Variants in L3MBTL4 observed in about 807,000 individuals in gnomAD.
L3MBTL4 encodes the protein L3MBTL histone methyl-lysine binding protein 4, also known as lethal(3)malignant brain tumor-like protein 4.
Under a neutral mutation model 84.5 loss-of-function variants are expected in L3MBTL4, and 70 were observed. The ratio of observed to expected loss-of-function variants is 0.83; its 90% CI spans 0.68 to 1.01. L3MBTL4 has a LOEUF of 1.01. Among genes scored for constraint, L3MBTL4 ranks in the 50% least tolerant of loss-of-function variants. The probability of loss-of-function intolerance (pLI) is 0.00; values close to 1 mark genes in which losing one functional copy is unlikely to be tolerated. For missense variants in L3MBTL4, 715 were observed against 754.8 expected (o/e 0.95, Z 0.62); for synonymous variants, 274 against 259.8 (o/e 1.05, Z -0.52).
intron 7 of L3MBTL4, among the ~76,000 whole-genome samples, chr18:6,243,088 C>T (rs538852736): frequency 2.0e-5 from 3 of 152,150 alleles, no homozygotes; most frequent in African/African-American, 7.2e-5. Context: ...AATATTTGAC[C>T]TAAATAGTCA....
chr18:5,975,132 G>C (rs2052849218), intron 16 of L3MBTL4, among the ~76,000 whole-genome samples: 1 of 152,084 alleles, frequency 6.6e-6, no homozygotes, highest in Non-Finnish European at 1.5e-5. Context: ...AATCCTTTAT[G>C]GAAATGTTCT....
Position 6,269,258 on chromosome 18 carries a change from G to A in L3MBTL4, c.128-5220C>T, listed in dbSNP as rs191803241. Among the ~76,000 whole-genome samples the A allele has an allele frequency of 2.2e-3, 328 of 152,144 alleles. 1 individual carries two copies. Among genetic ancestry groups the A allele is most frequent in the Non-Finnish European group, 2.0e-3 (134 of 67,978 alleles). On this transcript the variant is annotated intron_variant, in intron 4 of 18. Transcript: ENST00000317931. ...GGGCGGATCACGAGGTCAGGAGATCGAGACCATCCTAACATGGTGAAACCC... is the reference window on the plus strand; with the variant it reads ...GGGCGGATCACGAGGTCAGGAGATCAAGACCATCCTAACATGGTGAAACCC...
At chr18:6,083,459 G>T (rs943530376) in intron 15 of L3MBTL4, among the ~76,000 whole-genome samples, 3 of 152,178 alleles carry the variant, frequency 2.0e-5, no homozygotes, top group African/African-American at 7.2e-5. Context: ...CGAGGATGTG[G>T]ACTTCATCTT....
At chr18:6,096,533 G>A (rs1415914753) in intron 14 of L3MBTL4, among the ~76,000 whole-genome samples, 1 of 152,134 alleles carries the variant, frequency 6.6e-6, no homozygotes, top group Non-Finnish European at 1.5e-5. Flanking sequence ...ACATTAAGGA[G>A]ATGGCATCCC....
At chr18:6,224,889 C>T (rs2046710943) in intron 10 of L3MBTL4, among the ~76,000 whole-genome samples, 1 of 151,058 alleles carries the variant, frequency 6.6e-6, no homozygotes, top group East Asian at 1.9e-4. Context: ...TATTTGAGGA[C>T]CACAATAAAT....
At chr18:5,956,472 G>A in intron 18 of L3MBTL4, 85 bp from the exon 19 acceptor site, 3 of 1,288,744 alleles carry the variant, frequency 2.3e-6, no homozygotes, top group Admixed American at 1.8e-5. Flanking sequence ...TTCTGAGTGT[G>A]ATGTGGAACC....
chr18:6,036,085 C>T (rs1301215882), intron 16 of L3MBTL4, among the ~76,000 whole-genome samples: 2 of 152,100 alleles, frequency 1.3e-5, no homozygotes, highest in Non-Finnish European at 2.9e-5. Flanking sequence ...CTTAAGGATC[C>T]CTTGTATGTG....
intron 5 of L3MBTL4, among the ~76,000 whole-genome samples, chr18:6,247,619 T>C (rs192382885): frequency 7.9e-5 from 12 of 151,002 alleles, no homozygotes; most frequent in Non-Finnish European, 3.0e-5. Context: ...GCTGGGATTA[T>C]AGGTGTAAGC....
chr18:6,100,301 T>C (rs1466035750), intron 14 of L3MBTL4, among the ~76,000 whole-genome samples: 2 of 152,226 alleles, frequency 1.3e-5, no homozygotes, highest in Non-Finnish European at 2.9e-5. Flanking sequence ...ATACTAATTA[T>C]CCCATTTATT....
intron 13 of L3MBTL4, among the ~76,000 whole-genome samples, chr18:6,140,109 A>T (rs1327300518): frequency 6.6e-6 from 1 of 152,142 alleles, no homozygotes; most frequent in East Asian, 1.9e-4. Flanking sequence ...TTGCTTCTAA[A>T]GCCCCACCTG....
Position 6,248,139 on chromosome 18 carries a change from C to T in L3MBTL4, c.220-3551G>A, listed in dbSNP as rs912643701. ...ATCCCCCCCCAAAAGGTTTGTTCTG[C>T]CCTCCTGCATCCACTTTGTGTTTCT... On this transcript the variant is annotated intron_variant, in intron 5 of 18. Coordinates refer to ENST00000317931, the MANE Select transcript of L3MBTL4 (RefSeq NM_001330559.2). Among the ~76,000 whole-genome samples the T allele has an allele frequency of 7.2e-5, 11 of 152,268 alleles. 1 individual carries two copies. The highest frequency in any genetic ancestry group is 3.4e-3 in the Middle Eastern group (1 of 294).
chr18:6,384,302 C>A (rs1389613770), intron 1 of L3MBTL4, among the ~76,000 whole-genome samples: 1 of 152,072 alleles, frequency 6.6e-6, no homozygotes, highest in Non-Finnish European at 1.5e-5. Flanking sequence ...TACACACACA[C>A]AAACCATACA....
intron 3 of L3MBTL4, among the ~76,000 whole-genome samples, chr18:6,302,265 G>A (rs112342689): frequency 3.3e-4 from 51 of 152,280 alleles, no homozygotes; most frequent in African/African-American, 1.1e-3. Flanking sequence ...CCTGACAGTC[G>A]CACAGGAGTG....
At chr18:6,308,727 A>C (rs944933420) in intron 3 of L3MBTL4, among the ~76,000 whole-genome samples, 1 of 152,214 alleles carries the variant, frequency 6.6e-6, no homozygotes, top group Non-Finnish European at 1.5e-5. Context: ...GTATATGTGC[A>C]TAAAAGGTTT....
At chr18:6,239,335 C>A (rs1443461668) in intron 9 of L3MBTL4, among the ~76,000 whole-genome samples, 1 of 127,932 alleles carries the variant, frequency 7.8e-6, no homozygotes, top group South Asian at 2.4e-4. Flanking sequence ...AGCGAGACTC[C>A]GTCTCAAAAA....
rs372269355 is a variant in L3MBTL4 at position 5,969,556 on chromosome 18, G to A, written c.1451C>T (p.Ser484Leu). ...AAGCACCTGCTGCGCCTGCTCCACC[G>A]AGTATTCTGTAAGAGAGGTGGGGTG... is the stretch of plus-strand genomic sequence containing the variant. ...IDLDNLFREY[S>L]VEQAQQVLHQ... The change falls in exon 17 of 19, where the codon TCG (serine) becomes TTG (leucine). Residue 484 changes from serine to leucine, a missense_variant. Ser to Leu is a moderately radical substitution (Grantham distance 145). Transcript: ENST00000317931. 4.7e-5 allele frequency: 76 copies of A among 1,600,688 alleles called. No individual in the cohort carries two copies. The highest frequency in any genetic ancestry group is 4.0e-4 in the South Asian group (35 of 88,564).
chr18:6,111,920 G>C (rs2059209071), intron 14 of L3MBTL4, among the ~76,000 whole-genome samples: 1 of 152,046 alleles, frequency 6.6e-6, no homozygotes, highest in African/African-American at 2.4e-5. Context: ...TCGACATGTT[G>C]TGCAATATAT....
rs923466915 is a variant in L3MBTL4 at position 6,093,195 on chromosome 18, G to C, written c.1373+160C>G. Among the ~76,000 whole-genome samples the C allele has an allele frequency of 2.9e-4, 44 of 152,106 alleles. 1 individual carries two copies. The highest frequency in any genetic ancestry group is 2.9e-3 in the Admixed American group (44 of 15,270). ...AAAATATTTTTTAAATGAAGATCAA[G>C]GCTTAGATGAATTTTATCAGCCCAG... On this transcript the variant is annotated intron_variant, in intron 15 of 18. Transcript: ENST00000317931.
intron 5 of L3MBTL4, chr18:6,256,936 G>A (rs1442632087): frequency 6.6e-6 from 1 of 152,386 alleles, no homozygotes; most frequent in Non-Finnish European, 1.5e-5. Context: ...GAATAAACAG[G>A]GGGTCGGTGG....
Sources: gnomAD v4.1 joint callset for allele counts (sites outside exome capture counted in the v4.1 genomes callset) on GRCh38, gnomAD v4.1.1 for gene constraint, MANE v1.5 for transcripts, NCBI Gene and HGNC (gene_info 2026-07-23, HGNC 2026-07-21) for gene names.